Variants in PRKCA observed in about 807,000 individuals in gnomAD.
PRKCA encodes the protein protein kinase C alpha, also known as protein kinase C alpha type.
PRKCA carries 27 observed loss-of-function variants against 87.0 expected under a neutral mutation model. The ratio of observed to expected loss-of-function variants is 0.31; its 90% CI spans 0.23 to 0.43. The LOEUF is 0.43. Ranked by LOEUF, PRKCA falls within the 20% of genes least tolerant of loss-of-function variation. PRKCA has a pLI of 1.00. For missense variants in PRKCA, 518 were observed against 852.3 expected (o/e 0.61, Z 4.88); for synonymous variants, 329 against 311.1 (o/e 1.06, Z -0.61).
chr17:66,777,158 C>A, intron 14 of PRKCA: 1 of 946,662 alleles, frequency 1.1e-6, no homozygotes, highest in Non-Finnish European at 1.3e-6. Context: ...TAGGGGGAGC[C>A]CTCTCCTGCC....
chr17:66,345,396 A>G (rs147216660), intron 2 of PRKCA, among the ~76,000 whole-genome samples: 66 of 152,302 alleles, frequency 4.3e-4, no homozygotes, highest in African/African-American at 1.5e-3. Context: ...TTCCTCTGGA[A>G]TCTTGCTTTA....
At chr17:66,770,026 C>T (rs2144325602) in intron 13 of PRKCA, among the ~76,000 whole-genome samples, 1 of 152,314 alleles carries the variant, frequency 6.6e-6, no homozygotes, top group South Asian at 2.1e-4. Context: ...CAGAGTTTCC[C>T]ATGGGTGGAA....
In PRKCA at chr17:66,544,749, T is replaced by A. The variant is rs561745839; in HGVS notation, c.288+48466T>A. ...CTGGGATTACAGGCATGCGCCACCATGCCCAGCTAATTTTTGTATTTTTAG... is the reference window on the plus strand; with the variant it reads ...CTGGGATTACAGGCATGCGCCACCAAGCCCAGCTAATTTTTGTATTTTTAG... On this transcript the variant is annotated intron_variant, in intron 3 of 16. Coordinates refer to ENST00000413366, the MANE Select transcript of PRKCA (RefSeq NM_002737.3). Among the ~76,000 whole-genome samples, 20 of 152,260 alleles carry A rather than the reference T, an allele frequency of 1.3e-4. No homozygotes were observed. The South Asian group carries it at 4.1e-3, about 32-fold the overall frequency.
At chr17:66,795,878 A>G (rs1399508802) in intron 16 of PRKCA, among the ~76,000 whole-genome samples, 1 of 152,238 alleles carries the variant, frequency 6.6e-6, no homozygotes, top group African/African-American at 2.4e-5. Context: ...CCTCATACAC[A>G]CGTGGCTCTC....
chr17:66,347,344 G>A (rs11651748), intron 2 of PRKCA, among the ~76,000 whole-genome samples: 54,360 of 151,892 alleles, frequency 0.36, 10,141 homozygotes, highest in East Asian at 0.51. Flanking sequence ...TGGTTGAAGT[G>A]TATGTCTAAC....
chr17:66,674,394 A>G (rs1357790611), intron 5 of PRKCA, among the ~76,000 whole-genome samples: 2 of 152,230 alleles, frequency 1.3e-5, no homozygotes, highest in Non-Finnish European at 2.9e-5. Flanking sequence ...CAGTTCACGC[A>G]TGGTGCTGTG....
intron 3 of PRKCA, among the ~76,000 whole-genome samples, chr17:66,541,482 G>T (rs963765437): frequency 6.6e-6 from 1 of 152,210 alleles, no homozygotes; most frequent in Non-Finnish European, 1.5e-5. Context: ...AAGCTACTCT[G>T]CTGGTCTTGG....
At chr17:66,569,334 G>A (rs1417225759) in intron 3 of PRKCA, among the ~76,000 whole-genome samples, 11 of 149,632 alleles carry the variant, frequency 7.4e-5, no homozygotes, top group Admixed American at 2.0e-4. Context: ...TTTGGAGGCC[G>A]AGGCAGGCGG....
chr17:66,527,589 G>T (rs980728576), intron 3 of PRKCA, among the ~76,000 whole-genome samples: 1 of 152,206 alleles, frequency 6.6e-6, no homozygotes, highest in Non-Finnish European at 1.5e-5. Flanking sequence ...GAGAAATGCC[G>T]CAGACCTTTG....
At chr17:66,590,466 G>C (rs1253664112) in intron 3 of PRKCA, among the ~76,000 whole-genome samples, 2 of 152,180 alleles carry the variant, frequency 1.3e-5, no homozygotes, top group Admixed American at 1.3e-4. Flanking sequence ...GTGAAGCTCT[G>C]TGTAAATGTT....
intron 5 of PRKCA, among the ~76,000 whole-genome samples, chr17:66,649,305 C>G (rs1971531273): frequency 6.6e-6 from 1 of 152,170 alleles, no homozygotes; most frequent in Non-Finnish European, 1.5e-5. Flanking sequence ...CTTCTCCCAA[C>G]CAAATAGTTC....
At chr17:66,393,266 G>A (rs1290511646) in intron 2 of PRKCA, among the ~76,000 whole-genome samples, 1 of 152,120 alleles carries the variant, frequency 6.6e-6, no homozygotes, top group African/African-American at 2.4e-5. Flanking sequence ...CTTTACATTG[G>A]AGGAAGATGT....
chr17:66,561,352 A>G (rs902111060), intron 3 of PRKCA, among the ~76,000 whole-genome samples: 5 of 152,342 alleles, frequency 3.3e-5, no homozygotes, highest in African/African-American at 1.2e-4. Context: ...GTGCAGCTCG[A>G]TGCTACTCTG....
At chr17:66,440,122 A>G (rs1020890524) in intron 2 of PRKCA, among the ~76,000 whole-genome samples, 2 of 152,222 alleles carry the variant, frequency 1.3e-5, no homozygotes, top group Admixed American at 6.5e-5. Context: ...AAATGCCAGA[A>G]ACACCAAGTC....
chr17:66,587,465 A>C (rs988962735), intron 3 of PRKCA, among the ~76,000 whole-genome samples: 6 of 152,196 alleles, frequency 3.9e-5, no homozygotes, highest in African/African-American at 1.4e-4. Flanking sequence ...ATTTATGTAG[A>C]TCTAGTTCAT....
At chr17:66,702,031 A>C (rs1057254686) in intron 8 of PRKCA, among the ~76,000 whole-genome samples, 2 of 152,288 alleles carry the variant, frequency 1.3e-5, no homozygotes, top group African/African-American at 4.8e-5. Context: ...TCCTTGCAGC[A>C]TTATTCACAA....
intron 3 of PRKCA, among the ~76,000 whole-genome samples, chr17:66,556,712 C>T (rs1968506577): frequency 6.6e-6 from 1 of 152,150 alleles, no homozygotes. Flanking sequence ...TAAGGGGCTT[C>T]CCCCTTTGCT....
At chr17:66,478,258 T>C (rs1222042067) in intron 2 of PRKCA, among the ~76,000 whole-genome samples, 2 of 152,182 alleles carry the variant, frequency 1.3e-5, no homozygotes, top group African/African-American at 2.4e-5. Context: ...TTGTTTATTT[T>C]ATTTTATTTT....
intron 3 of PRKCA, among the ~76,000 whole-genome samples, chr17:66,575,912 G>A (rs1969224992): frequency 6.6e-6 from 1 of 152,072 alleles, no homozygotes; most frequent in African/African-American, 2.4e-5. Flanking sequence ...TCAGGAGTTT[G>A]AGACCAGCCT....
Sources: allele counts gnomAD v4.1 joint callset (sites outside exome capture counted in the v4.1 genomes callset), GRCh38; gene constraint gnomAD v4.1.1; transcripts MANE v1.5; gene names NCBI Gene and HGNC (gene_info 2026-07-23, HGNC 2026-07-21).